The following EPAS1 variants were observed in gnomAD, a reference collection of about 807,000 sequenced individuals.
The protein encoded by EPAS1 is endothelial PAS domain protein 1, also known as endothelial PAS domain-containing protein 1.
In EPAS1, 23 loss-of-function variants were observed where a neutral mutation model predicts 87.9. The observed-to-expected ratio is 0.26, with a 90% CI of 0.19 to 0.37. EPAS1 has a LOEUF of 0.37. Among genes scored for constraint, EPAS1 ranks in the 10% least tolerant of loss-of-function variants. The probability of loss-of-function intolerance (pLI) is 1.00; values close to 1 mark genes in which losing one functional copy is unlikely to be tolerated. For missense variants in EPAS1, 1,138 were observed against 1,120.7 expected (o/e 1.02, Z -0.22); for synonymous variants, 508 against 444.3 (o/e 1.14, Z -1.80).
intron 2 of EPAS1, among the ~76,000 whole-genome samples, chr2:46,349,261 G>A (rs188422086): frequency 1.6e-4 from 25 of 152,268 alleles, no homozygotes; most frequent in African/African-American, 5.3e-4. Flanking sequence ...GCAGGGCTTC[G>A]TTTTGCATGC....
intron 15 of EPAS1, among the ~76,000 whole-genome samples, chr2:46,383,126 AGAACC>A (rs1684940054): frequency 6.6e-6 from 1 of 152,206 alleles, no homozygotes; most frequent in Non-Finnish European, 1.5e-5. Flanking sequence ...GGCTTTAGGG[AGAACC>A]CTCCCATGAT....
intron 1 of EPAS1, among the ~76,000 whole-genome samples, chr2:46,315,701 A>G (rs907635492): frequency 6.6e-6 from 1 of 152,176 alleles, no homozygotes; most frequent in Non-Finnish European, 1.5e-5. Flanking sequence ...CAGCTCACTC[A>G]CACTGCTGGA....
At chr2:46,373,192 A>G (rs1047176991) in intron 7 of EPAS1, among the ~76,000 whole-genome samples, 1 of 152,238 alleles carries the variant, frequency 6.6e-6, no homozygotes, top group Non-Finnish European at 1.5e-5. Flanking sequence ...TTAAAAGATT[A>G]GACAAGATGA....
rs1196809205 is a variant in EPAS1 at position 46,361,024 on chromosome 2, C to A, written c.713C>A (p.Pro238His). The change falls in exon 6 of 16, where the codon CCC (proline) becomes CAC (histidine). Residue 238 changes from proline to histidine, a missense_variant. Transcript: ENST00000263734. ...PIQHPSHMDI[P>H]LDSKTFLSRH... ...CAGCACCCATCCCACATGGACATCC[C>A]CCTGGATAGCAAGACCTTCCTGAGC... The A allele has an allele frequency of 6.2e-6, 10 of 1,614,052 alleles. No homozygotes were observed. The highest frequency in any genetic ancestry group is 5.1e-6 in the Non-Finnish European group (6 of 1,180,044).
At position 46,298,086 on chromosome 2, in the gene EPAS1, A is replaced by G. The variant is rs1682922684; in HGVS notation, c.26+149A>G. On this transcript the variant is annotated intron_variant, in intron 1 of 15. Coordinates refer to ENST00000263734, the MANE Select transcript of EPAS1 (RefSeq NM_001430.5). ...TTTGGAGGGCTGTGAGGGGGAGAGCATGTGCCCGGTTTGGGGGCGCGGATC... is the reference window on the plus strand; with the variant it reads ...TTTGGAGGGCTGTGAGGGGGAGAGCGTGTGCCCGGTTTGGGGGCGCGGATC... 4.0e-6 allele frequency: 4 copies of G among 1,011,714 alleles called. No individual in the cohort carries two copies. The South Asian group carries it at 4.2e-5, about 11-fold the overall frequency. 62.7% of individuals were successfully genotyped at this position (1,011,714 alleles called of 1,614,324 possible). A position where few individuals can be genotyped will look rare whatever the true frequency, so the allele number is the denominator to read the frequency against.
At position 46,375,965 on chromosome 2, in the gene EPAS1, C is replaced by G; in HGVS notation, c.1034+128C>G. On this transcript the variant is annotated intron_variant, in intron 8 of 15. Transcript: ENST00000263734. The surrounding 1 kb of genome is among the most constrained non-coding windows in gnomAD (Gnocchi z 4.1). ...GCCCTGGGCACCACCTCAGGGAGGT[C>G]TTGCAGGGCTAACCCTAGTGACTGA... 5 of 1,236,536 alleles carry G rather than the reference C, an allele frequency of 4.0e-6. No homozygotes were observed. The highest frequency in any genetic ancestry group is 5.9e-6 in the Non-Finnish European group (5 of 846,936). 76.6% of individuals were successfully genotyped at this position (1,236,536 alleles called of 1,614,324 possible).
intron 2 of EPAS1, among the ~76,000 whole-genome samples, chr2:46,353,583 C>T (rs1425116162): frequency 6.6e-6 from 1 of 152,238 alleles, no homozygotes; most frequent in Non-Finnish European, 1.5e-5. Context: ...AATTTGAAAG[C>T]ACTGAGTTAA....
At chr2:46,302,951 T>G (rs1291279004) in intron 1 of EPAS1, among the ~76,000 whole-genome samples, 1 of 152,082 alleles carries the variant, frequency 6.6e-6, no homozygotes, top group Non-Finnish European at 1.5e-5. Flanking sequence ...CGTATGCCTG[T>G]AGTCCCAGCT....
rs1685004268 is a variant in EPAS1, at chr2:46,385,692, T to C, written c.*1032T>C. ...CCTCACATTCTCTATGTACTATGTA[T>C]GTATGTATTATTATTATTGCTGCCA... On this transcript the variant is annotated 3_prime_UTR_variant, in exon 16 of 16. Transcript: ENST00000263734. 1 of 150,488 alleles carries C rather than the reference T, an allele frequency of 6.6e-6. No individual in the cohort carries two copies. The highest frequency in any genetic ancestry group is 2.5e-5 in the African/African-American group (1 of 40,516). 9.3% of individuals were successfully genotyped at this position (150,488 alleles called of 1,614,324 possible).
chr2:46,359,257 C>CAAAAAAAAAAAAAAAAAA lies in EPAS1; in HGVS notation c.455-1374_455-1357dup, dbSNP rs57351888. ...CTGGCGACAGAGCAAGATTCTGTCT[C>CAAAAAAAAAAAAAAAAAA]AAAAAAAAAAAAAAAAAAAAAAAAG... is the stretch of plus-strand genomic sequence containing the variant. On this transcript the variant is annotated intron_variant, in intron 4 of 15. Coordinates refer to ENST00000263734, the MANE Select transcript of EPAS1 (RefSeq NM_001430.5). Among the ~76,000 whole-genome samples the CAAAAAAAAAAAAAAAAAA allele has an allele frequency of 1.4e-3, 34 of 25,090 alleles. 6 individuals carry two copies. Among genetic ancestry groups the CAAAAAAAAAAAAAAAAAA allele is most frequent in the East Asian group, 4.0e-3 (1 of 250 alleles). 16.5% of individuals were successfully genotyped at this position (25,090 alleles called of 152,430 possible).
chr2:46,376,595 A>C lies in EPAS1; in HGVS notation c.1091A>C (p.Lys364Thr). 6.2e-7 allele frequency: 1 copy of C among 1,614,154 alleles called. No individual in the cohort carries two copies. Among genetic ancestry groups the C allele is most frequent in the Non-Finnish European group, 8.5e-7 (1 of 1,180,026 alleles). ...FSMDQTESLF[K>T]PHLMAMNSIF... The stretch of plus-strand genomic sequence containing the variant: ...ATGGACCAGACTGAATCCCTGTTCA[A>C]GCCCCACCTGATGGCCATGAACAGC... The change falls in exon 9 of 16, where the codon AAG (lysine) becomes ACG (threonine). Residue 364 changes from lysine to threonine, a missense_variant. Physicochemically the swap from Lys to Thr is moderately conservative, Grantham distance 78. Coordinates refer to ENST00000263734, the MANE Select transcript of EPAS1 (RefSeq NM_001430.5).
At chr2:46,299,036 A>G (rs1184035410) in intron 1 of EPAS1, among the ~76,000 whole-genome samples, 1 of 152,246 alleles carries the variant, frequency 6.6e-6, no homozygotes, top group African/African-American at 2.4e-5. Context: ...GCCGCGGGAA[A>G]CCAGCGGCGG....
At chr2:46,373,283 C>T (rs1396008485) in intron 7 of EPAS1, among the ~76,000 whole-genome samples, 1 of 152,192 alleles carries the variant, frequency 6.6e-6, no homozygotes, top group Non-Finnish European at 1.5e-5. Flanking sequence ...CTCCTAGCTG[C>T]ACCCACGAGA....
At chr2:46,356,432 C>G in intron 3 of EPAS1, 130 bp downstream of exon 3, 1 of 1,200,246 alleles carries the variant, frequency 8.3e-7, no homozygotes, top group Non-Finnish European at 1.2e-6. Context: ...TCGCTGACCT[C>G]AGGCCACACG....
chr2:46,377,858 T>G, intron 9 of EPAS1, 36 bp from the exon 10 acceptor site: 1 of 1,551,664 alleles, frequency 6.4e-7, no homozygotes, highest in African/African-American at 1.4e-5. Context: ...GCCCGATGGT[T>G]GTGGGTGTTC....
At chr2:46,355,390 C>A (rs907048074) in intron 2 of EPAS1, among the ~76,000 whole-genome samples, 10 of 152,180 alleles carry the variant, frequency 6.6e-5, no homozygotes, top group African/African-American at 1.9e-4. Flanking sequence ...ACTCCAAAGC[C>A]TATGAATGGT....
chr2:46,353,151 AT>A (rs1224087932), intron 2 of EPAS1, among the ~76,000 whole-genome samples: 1 of 152,180 alleles, frequency 6.6e-6, no homozygotes, highest in Admixed American at 6.5e-5. Flanking sequence ...GTGGTCACCT[AT>A]CTGGTGTGAT....
intron 1 of EPAS1, chr2:46,335,737 C>T (rs1206029543): frequency 6.6e-6 from 1 of 152,036 alleles, no homozygotes; most frequent in Non-Finnish European, 1.5e-5. Flanking sequence ...GAGGTCCTCT[C>T]ACGCCCTGCT....
chr2:46,308,402 C>T (rs1683148294), intron 1 of EPAS1, among the ~76,000 whole-genome samples: 4 of 147,154 alleles, frequency 2.7e-5, no homozygotes, highest in African/African-American at 1.0e-4. Context: ...TAGCATGTTC[C>T]TGAAGGCCAA....
Sources: allele counts gnomAD v4.1 joint callset (sites outside exome capture counted in the v4.1 genomes callset), GRCh38; gene constraint gnomAD v4.1.1; non-coding constraint Gnocchi (gnomAD v3.1); transcripts MANE v1.5; gene names NCBI Gene and HGNC (gene_info 2026-07-23, HGNC 2026-07-21).